The following TENM3 variants were observed in gnomAD, a reference collection of about 807,000 sequenced individuals.
TENM3 encodes the protein teneurin-3.
TENM3 carries 63 observed loss-of-function variants against 255.1 expected under a neutral mutation model. The ratio of observed to expected loss-of-function variants is 0.25; its 90% CI spans 0.20 to 0.30. The LOEUF (loss-of-function observed/expected upper bound fraction) is 0.30, where lower values mean the gene tolerates loss of function less well. Among genes scored for constraint, TENM3 ranks in the 10% least tolerant of loss-of-function variants. The pLI, the probability that TENM3 is intolerant of heterozygous loss-of-function variation, is 1.00. For synonymous variants in TENM3, 1,306 were observed against 1,322.3 expected (o/e 0.99, Z 0.27); for missense variants, 2,929 against 3,461.1 (o/e 0.85, Z 3.86).
the TENM3 span, among the ~76,000 whole-genome samples, chr4:181,724,340 C>T: frequency 6.6e-6 from 1 of 151,928 alleles, no homozygotes; most frequent in Admixed American, 6.6e-5. Context: ...TATCTCTTGT[C>T]CATTTTCTCT....
the TENM3 span, among the ~76,000 whole-genome samples, chr4:181,901,729 A>G: frequency 1.3e-5 from 2 of 152,194 alleles, no homozygotes; most frequent in South Asian, 2.1e-4. Context: ...ATTTCACCAC[A>G]ATGTTTTCCC....
chr4:182,003,928 AT>A, the TENM3 span, among the ~76,000 whole-genome samples: 3 of 152,080 alleles, frequency 2.0e-5, no homozygotes, highest in Admixed American at 2.0e-4. Context: ...AAAAAAAAAA[AT>A]AAATCTTCAG....
At chr4:182,471,067 T>C (rs1290772029) in intron 3 of TENM3, among the ~76,000 whole-genome samples, 1 of 152,168 alleles carries the variant, frequency 6.6e-6, no homozygotes, top group Non-Finnish European at 1.5e-5. Context: ...CCTATTTTCT[T>C]GTGGAAATTT....
At chr4:182,106,796 A>G in the TENM3 span, among the ~76,000 whole-genome samples, 2 of 152,180 alleles carry the variant, frequency 1.3e-5, no homozygotes, top group African/African-American at 4.8e-5. Context: ...TGGTATTAGC[A>G]TCAGTATCAG....
intron 4 of TENM3, among the ~76,000 whole-genome samples, chr4:182,621,724 AT>A (rs1247043215): frequency 2.8e-4 from 3 of 10,562 alleles, no homozygotes; most frequent in Non-Finnish European, 1.2e-3. Flanking sequence ...TATATATTAT[AT>A]ATAAAATATA....
At chr4:181,913,076 A>G in the TENM3 span, among the ~76,000 whole-genome samples, 1 of 152,194 alleles carries the variant, frequency 6.6e-6, no homozygotes, top group Non-Finnish European at 1.5e-5. Flanking sequence ...GGGTGAGGGT[A>G]GGAATATATG....
chr4:181,512,571 A>G, the TENM3 span, among the ~76,000 whole-genome samples: 1 of 152,146 alleles, frequency 6.6e-6, no homozygotes, highest in African/African-American at 2.4e-5. Context: ...TTCTTTTTGG[A>G]AAGGCTCAAT....
upstream of TENM3, among the ~76,000 whole-genome samples, chr4:182,242,061 TG>T (rs1757310404): frequency 1.6e-5 from 1 of 62,014 alleles, no homozygotes; most frequent in South Asian, 3.0e-4. Context: ...CTAGGGTACA[TG>T]TGCACAAGGT....
chr4:182,179,106 A>T (rs1752691965), intron 1 of TENM3, among the ~76,000 whole-genome samples: 2 of 152,254 alleles, frequency 1.3e-5, no homozygotes, highest in African/African-American at 2.4e-5. Flanking sequence ...TTGCTGAGCA[A>T]AACATATCTA....
chr4:182,263,781 C>G (rs1277573370), intron 1 of TENM3, among the ~76,000 whole-genome samples: 3 of 152,154 alleles, frequency 2.0e-5, no homozygotes. Context: ...TCAGAGACCA[C>G]GTGTCGAAAC....
the TENM3 span, among the ~76,000 whole-genome samples, chr4:181,503,894 T>C: frequency 6.6e-6 from 1 of 152,182 alleles, no homozygotes; most frequent in Non-Finnish European, 1.5e-5. Flanking sequence ...TCAGGCTCCT[T>C]AGAAACCACC....
At chr4:182,449,070 C>T (rs1293324970) in intron 3 of TENM3, 2 of 326,790 alleles carry the variant, frequency 6.1e-6, no homozygotes, top group African/African-American at 4.8e-5. Flanking sequence ...ACAGCGAGGG[C>T]GCGCCGCGGC....
chr4:181,873,261 G>T, the TENM3 span, among the ~76,000 whole-genome samples: 1 of 151,994 alleles, frequency 6.6e-6, no homozygotes, highest in South Asian at 2.1e-4. Context: ...TAGAGATGGG[G>T]TTTTACCATG....
chr4:182,372,321 A>C (rs1407615773), intron 3 of TENM3, among the ~76,000 whole-genome samples: 1 of 152,210 alleles, frequency 6.6e-6, no homozygotes, highest in Admixed American at 6.5e-5. Flanking sequence ...AAAAACATAA[A>C]CCAGTAGTCT....
At chr4:181,715,735 A>T in the TENM3 span, among the ~76,000 whole-genome samples, 1 of 152,240 alleles carries the variant, frequency 6.6e-6, no homozygotes, top group Non-Finnish European at 1.5e-5. Context: ...TGGGACAACA[A>T]AAATGTACCC....
chr4:182,571,014 A>G (rs1744305007), intron 3 of TENM3, among the ~76,000 whole-genome samples: 1 of 152,124 alleles, frequency 6.6e-6, no homozygotes, highest in Admixed American at 6.5e-5. Flanking sequence ...GGCAAGATTC[A>G]TATTCGGGGG....
intron 5 of TENM3, among the ~76,000 whole-genome samples, chr4:182,639,268 C>G (rs185275400): frequency 9.6e-4 from 146 of 152,268 alleles, no homozygotes; most frequent in South Asian, 3.9e-3. Flanking sequence ...GTGTTTGTAT[C>G]TCACCTTTGT....
the TENM3 span, among the ~76,000 whole-genome samples, chr4:181,796,966 T>C: frequency 6.6e-6 from 1 of 152,090 alleles, no homozygotes; most frequent in African/African-American, 2.4e-5. Context: ...CGTTGTGCTG[T>C]TTCCATGTTG....
the TENM3 span, among the ~76,000 whole-genome samples, chr4:181,677,169 C>T: frequency 6.6e-6 from 1 of 151,990 alleles, no homozygotes; most frequent in African/African-American, 2.4e-5. Flanking sequence ...CGTTCTTTAA[C>T]ACCTAATGCC....
Sources: gnomAD v4.1 joint callset for allele counts (sites outside exome capture counted in the v4.1 genomes callset) on GRCh38, gnomAD v4.1.1 for gene constraint, MANE v1.5 for transcripts, NCBI Gene and HGNC (gene_info 2026-07-23, HGNC 2026-07-21) for gene names.